The following BCAR3 variants were observed in gnomAD, a reference collection of about 807,000 sequenced individuals.
BCAR3 encodes the protein breast cancer anti-estrogen resistance protein 3.
Under a neutral mutation model 80.1 loss-of-function variants are expected in BCAR3, and 37 were observed. That is an observed-to-expected ratio of 0.46 (90% CI 0.36 to 0.61). The LOEUF (loss-of-function observed/expected upper bound fraction) is 0.61, where lower values mean the gene tolerates loss of function less well. BCAR3 is among the 20% of genes least tolerant of loss of function. The pLI is 0.00. For missense variants in BCAR3, 978 were observed against 1,068.2 expected (o/e 0.92, Z 1.18); for synonymous variants, 389 against 418.9 (o/e 0.93, Z 0.87).
chr1:93,640,067 A>T (rs1011310659), intron 3 of BCAR3, among the ~76,000 whole-genome samples: 5 of 152,178 alleles, frequency 3.3e-5, no homozygotes, highest in African/African-American at 7.2e-5. Flanking sequence ...TTAAGTGCAC[A>T]AGCGGATTGT....
chr1:93,748,331 C>G (rs1651428739), intron 2 of BCAR3, among the ~76,000 whole-genome samples: 1 of 152,174 alleles, frequency 6.6e-6, no homozygotes. Context: ...CAGCACCCAT[C>G]TCCCTTTTTA....
chr1:93,630,495 G>A (rs1038866753), intron 3 of BCAR3, among the ~76,000 whole-genome samples: 48 of 152,016 alleles, frequency 3.2e-4, no homozygotes, highest in African/African-American at 1.1e-3. Context: ...TCAGCCAGGT[G>A]TGATGGTGCA....
rs960601423 is a variant in BCAR3, at chr1:93,785,964, C to T, written c.-63+59603G>A. On this transcript the variant is annotated intron_variant, in intron 2 of 13. Transcript: ENST00000370244. ...ATCCCAGCACTTTGGGAGGCCGAGG[C>T]GGGCGGATCATGAGGTCAGGAGATC... Among the ~76,000 whole-genome samples the T allele has an allele frequency of 1.3e-4, 15 of 115,386 alleles. 2 individuals are homozygous for T. Among genetic ancestry groups the T allele is most frequent in the African/African-American group, 6.5e-4 (14 of 21,426 alleles). The allele number at this position is 115,386 out of a possible 152,430, so 75.7% of individuals were successfully genotyped here.
Position 93,562,367 on chromosome 1 carries a change from C to T in BCAR3, c.2352G>A (p.Met784Ile). The T allele has an allele frequency of 6.2e-7, 1 of 1,614,126 alleles. No homozygotes were observed. The highest frequency in any genetic ancestry group is 2.2e-5 in the East Asian group (1 of 44,886). ...CACCTTTGCTGCCCCATAGCAATCGCATTTGAAATTCAGTCTTGCAGATTT... is the reference window on the plus strand; with the variant it reads ...CACCTTTGCTGCCCCATAGCAATCGTATTTGAAATTCAGTCTTGCAGATTT... ...MNEICKTEFQ[M>I]RLLWGSKGAQ... Residue 784 changes from methionine (M) to isoleucine (I), a missense_variant, in exon 12 of 12, where the codon ATG becomes ATA. Met to Ile is a conservative substitution (Grantham distance 10). Transcript: ENST00000260502.
intron 3 of BCAR3, among the ~76,000 whole-genome samples, chr1:93,692,745 G>C (rs1649239889): frequency 6.6e-6 from 1 of 152,204 alleles, no homozygotes; most frequent in African/African-American, 2.4e-5. Flanking sequence ...AGAGTGAGTG[G>C]GAGAGTTTGG....
In BCAR3 at chr1:93,589,266, G is replaced by A. The variant is rs772002067; in HGVS notation, c.640C>T (p.Arg214Cys). 5 of 1,614,240 alleles carry A rather than the reference G, an allele frequency of 3.1e-6. No individual in the cohort carries two copies. Among genetic ancestry groups the A allele is most frequent in the Admixed American group, 3.3e-5 (2 of 60,034 alleles). ...TVLRLSEAYSRVQYQFEMESF... is the reference protein window; with the variant it reads ...TVLRLSEAYSCVQYQFEMESF... ...TCCATCTCGAACTGGTACTGCACGC[G>A]GCTGTAGGCCTCGCTGAGTCGCAGA... The change falls in exon 5 of 12, where the codon CGC becomes TGC. Residue 214 changes from arginine (R) to cysteine (C), a missense_variant. Transcript: ENST00000260502.
intron 7 of BCAR3, among the ~76,000 whole-genome samples, chr1:93,580,892 G>A (rs1673678482): frequency 6.6e-6 from 1 of 152,184 alleles, no homozygotes; most frequent in Non-Finnish European, 1.5e-5. Flanking sequence ...CGGGTGCGGT[G>A]ACTCACACCT....
At chr1:93,642,373 G>A in intron 2 of BCAR3, 30 bp from the exon 3 acceptor site, 1 of 1,590,188 alleles carries the variant, frequency 6.3e-7, no homozygotes, top group Non-Finnish European at 8.6e-7. Flanking sequence ...ATATGAGAAT[G>A]GTTGGGAACG....
At chr1:93,691,974 T>C (rs904821605) in intron 3 of BCAR3, among the ~76,000 whole-genome samples, 5 of 152,216 alleles carry the variant, frequency 3.3e-5, no homozygotes, top group Non-Finnish European at 4.4e-5. Flanking sequence ...TTCTCTCTAC[T>C]TTTGCATATG....
In BCAR3 at chr1:93,712,234, C is replaced by T. The variant is rs559515098; in HGVS notation, c.-62-6092G>A. 1.8e-4 allele frequency among the ~76,000 whole-genome samples: 27 copies of T among 152,364 alleles called. 1 individual carries two copies. The highest frequency in any genetic ancestry group is 5.0e-4 in the African/African-American group (21 of 41,588). On this transcript the variant is annotated intron_variant, in intron 2 of 13. Transcript: ENST00000370244. Reference sequence around the variant, plus strand: ...GATCATTGTCTGACCCCTCTGTCCCCGACCCTGGTTCACCCAGCCTGTCCC... The same window carrying T: ...GATCATTGTCTGACCCCTCTGTCCCTGACCCTGGTTCACCCAGCCTGTCCC...
intron 2 of BCAR3, among the ~76,000 whole-genome samples, chr1:93,709,919 T>C (rs1394732408): frequency 1.3e-5 from 2 of 152,148 alleles, no homozygotes; most frequent in African/African-American, 4.8e-5. Context: ...AAAAGAAAAA[T>C]AGAAATTATC....
At chr1:93,649,247 T>C (rs776113189) in intron 2 of BCAR3, among the ~76,000 whole-genome samples, 3 of 151,908 alleles carry the variant, frequency 2.0e-5, no homozygotes, top group Admixed American at 6.6e-5. Flanking sequence ...CAGGGGTGGG[T>C]TGGGGGACAT....
At chr1:93,652,559 C>T (rs770049440) in intron 2 of BCAR3, among the ~76,000 whole-genome samples, 1 of 152,130 alleles carries the variant, frequency 6.6e-6, no homozygotes, top group Non-Finnish European at 1.5e-5. Context: ...GCAAACAGTT[C>T]TTGCACCACA....
intron 7 of BCAR3, among the ~76,000 whole-genome samples, 157 bp downstream of exon 7, chr1:93,582,144 C>A (rs1673732811): frequency 6.6e-6 from 1 of 152,240 alleles, no homozygotes; most frequent in African/African-American, 2.4e-5. Context: ...GTGTTATCTT[C>A]AGACTTTCCT....
chr1:93,827,448 G>A (rs962802315), intron 2 of BCAR3, among the ~76,000 whole-genome samples: 1 of 152,020 alleles, frequency 6.6e-6, no homozygotes, highest in African/African-American at 2.4e-5. Context: ...CTAGCAGACT[G>A]TGACCCAGCT....
At chr1:93,579,193 G>A (rs139509737) in intron 7 of BCAR3, among the ~76,000 whole-genome samples, 1,970 of 152,332 alleles carry the variant, frequency 0.013, 18 homozygotes, top group Middle Eastern at 0.058. Context: ...CTGGGAACAA[G>A]CACGCGGGGC....
intron 2 of BCAR3, among the ~76,000 whole-genome samples, chr1:93,711,187 G>A (rs530004984): frequency 6.6e-6 from 1 of 152,336 alleles, no homozygotes; most frequent in Admixed American, 6.5e-5. Context: ...TTGTTACACA[G>A]ACCACCCTTG....
intron 2 of BCAR3, among the ~76,000 whole-genome samples, chr1:93,787,626 G>C (rs139211760): frequency 6.6e-6 from 1 of 152,316 alleles, no homozygotes; most frequent in East Asian, 1.9e-4. Context: ...TGTTTTGAGA[G>C]TTCCTTTTGG....
At chr1:93,649,984 A>T (rs1376328346) in intron 2 of BCAR3, among the ~76,000 whole-genome samples, 1 of 151,726 alleles carries the variant, frequency 6.6e-6, no homozygotes, top group Non-Finnish European at 1.5e-5. Context: ...CCTCCATTCC[A>T]TTCATACTAT....
Sources: gnomAD v4.1 joint callset for allele counts (sites outside exome capture counted in the v4.1 genomes callset) on GRCh38, gnomAD v4.1.1 for gene constraint, MANE v1.5 for transcripts, NCBI Gene and HGNC (gene_info 2026-07-23, HGNC 2026-07-21) for gene names.